Variants in PPARGC1A observed in about 807,000 individuals in gnomAD.
The protein encoded by PPARGC1A is PPARG coactivator 1 alpha, also known as peroxisome proliferator-activated receptor gamma coactivator 1-alpha.
A neutral mutation model predicts 88.7 loss-of-function variants in PPARGC1A; 25 were observed. That is an observed-to-expected ratio of 0.28 (90% CI 0.21 to 0.39). The LOEUF is 0.39. PPARGC1A is among the 10% of genes least tolerant of loss of function. The probability of loss-of-function intolerance (pLI) is 1.00; values close to 1 mark genes in which losing one functional copy is unlikely to be tolerated. For synonymous variants in PPARGC1A, 363 were observed against 355.6 expected, an observed-to-expected ratio of 1.02 and a Z score of -0.24; for missense variants, 880 against 968.7, an observed-to-expected ratio of 0.91 and a Z score of 1.22.
At chr4:24,223,515 G>C in the PPARGC1A span, among the ~76,000 whole-genome samples, 1 of 152,162 alleles carries the variant, frequency 6.6e-6, no homozygotes, top group Non-Finnish European at 1.5e-5. Flanking sequence ...CTCCCAAGGT[G>C]CTGAGATTAC....
the PPARGC1A span, among the ~76,000 whole-genome samples, chr4:24,152,796 T>A: frequency 6.6e-6 from 1 of 152,218 alleles, no homozygotes; most frequent in Non-Finnish European, 1.5e-5. Context: ...AAGTTAACTG[T>A]TGAAACTAAA....
At chr4:24,004,915 G>A in the PPARGC1A span, among the ~76,000 whole-genome samples, 75 of 152,296 alleles carry the variant, frequency 4.9e-4, 1 homozygote, top group African/African-American at 1.7e-3. Flanking sequence ...ACAGGGTCAT[G>A]TGTATAAGGC....
chr4:24,059,900 T>C, the PPARGC1A span, among the ~76,000 whole-genome samples: 1 of 152,178 alleles, frequency 6.6e-6, no homozygotes, highest in Non-Finnish European at 1.5e-5. Flanking sequence ...GCAATCCCAG[T>C]CCACCTGGCT....
chr4:24,072,785 G>C, the PPARGC1A span, among the ~76,000 whole-genome samples: 1 of 152,162 alleles, frequency 6.6e-6, no homozygotes, highest in African/African-American at 2.4e-5. Context: ...AGGCTTTGCA[G>C]TTGCAACCAG....
At chr4:23,896,932 C>T (rs1018515727) in intron 1 of PPARGC1A, among the ~76,000 whole-genome samples, 3 of 152,138 alleles carry the variant, frequency 2.0e-5, no homozygotes, top group Non-Finnish European at 2.9e-5. Flanking sequence ...CCAGTTTCAA[C>T]CCGGTGACAT....
At chr4:24,192,790 C>T in the PPARGC1A span, among the ~76,000 whole-genome samples, 2 of 152,248 alleles carry the variant, frequency 1.3e-5, no homozygotes, top group East Asian at 3.9e-4. Context: ...TATTTTTATA[C>T]ATACATAATG....
the PPARGC1A span, among the ~76,000 whole-genome samples, chr4:24,308,609 C>T: frequency 6.6e-6 from 1 of 152,130 alleles, no homozygotes; most frequent in Non-Finnish European, 1.5e-5. Flanking sequence ...TTCCAGGCTG[C>T]ATTCAGAGAG....
the PPARGC1A span, among the ~76,000 whole-genome samples, chr4:23,974,640 G>GTT: frequency 1.3e-4 from 19 of 146,988 alleles, no homozygotes; most frequent in Non-Finnish European, 2.0e-4. Flanking sequence ...GTTGTCGTTG[G>GTT]TTTTTTTTTT....
At chr4:24,181,019 A>G in the PPARGC1A span, among the ~76,000 whole-genome samples, 6 of 152,218 alleles carry the variant, frequency 3.9e-5, no homozygotes, top group African/African-American at 1.4e-4. Context: ...CAAGTCCACA[A>G]TAAACCAGCT....
upstream of PPARGC1A, among the ~76,000 whole-genome samples, chr4:23,891,959 T>G (rs576868031): frequency 1.0e-3 from 157 of 152,292 alleles, no homozygotes; most frequent in Non-Finnish European, 2.1e-3. Context: ...CCCTCAAGGA[T>G]CAACTGTGAA....
At chr4:24,240,157 G>A in the PPARGC1A span, among the ~76,000 whole-genome samples, 1 of 152,154 alleles carries the variant, frequency 6.6e-6, no homozygotes, top group Non-Finnish European at 1.5e-5. Flanking sequence ...TTCTGGAAAG[G>A]TATGTCTTAT....
At chr4:23,939,796 C>T in the PPARGC1A span, among the ~76,000 whole-genome samples, 1 of 152,106 alleles carries the variant, frequency 6.6e-6, no homozygotes, top group African/African-American at 2.4e-5. Context: ...TGATATTACC[C>T]TAGGTTTATC....
At chr4:23,941,914 A>G in the PPARGC1A span, among the ~76,000 whole-genome samples, 2 of 152,186 alleles carry the variant, frequency 1.3e-5, no homozygotes, top group African/African-American at 4.8e-5. Context: ...GAATGACTTT[A>G]TCTAGATTTG....
At chr4:24,463,778 G>A in the PPARGC1A span, among the ~76,000 whole-genome samples, 1 of 152,056 alleles carries the variant, frequency 6.6e-6, no homozygotes, top group Non-Finnish European at 1.5e-5. Context: ...GAGAGCAATG[G>A]GAGTGGGAAA....
the PPARGC1A span, among the ~76,000 whole-genome samples, chr4:24,379,820 C>T: frequency 1.4e-5 from 2 of 141,440 alleles, no homozygotes; most frequent in African/African-American, 5.6e-5. Context: ...GCTCTTTTTG[C>T]CCAGGCTGGA....
At chr4:24,449,093 G>T in the PPARGC1A span, among the ~76,000 whole-genome samples, 3 of 152,244 alleles carry the variant, frequency 2.0e-5, no homozygotes, top group Non-Finnish European at 4.4e-5. Flanking sequence ...TGGTCTGCAG[G>T]ACCCCACAAG....
At chr4:24,267,477 C>A in the PPARGC1A span, among the ~76,000 whole-genome samples, 1 of 152,178 alleles carries the variant, frequency 6.6e-6, no homozygotes, top group Admixed American at 6.5e-5. Context: ...TTTATATCAA[C>A]AAGCTTTGAA....
the PPARGC1A span, among the ~76,000 whole-genome samples, chr4:24,280,343 A>G: frequency 2.0e-5 from 3 of 152,156 alleles, no homozygotes; most frequent in Non-Finnish European, 4.4e-5. Flanking sequence ...TAAAGAAACC[A>G]ACTTCCCAGG....
At chr4:23,825,674 T>C (rs1723795193) in intron 5 of PPARGC1A, among the ~76,000 whole-genome samples, 1 of 152,142 alleles carries the variant, frequency 6.6e-6, no homozygotes, top group Admixed American at 6.6e-5. Context: ...ATTATTCATG[T>C]CCAAATTAAC....
Sources: allele counts gnomAD v4.1 joint callset (sites outside exome capture counted in the v4.1 genomes callset), GRCh38; gene constraint gnomAD v4.1.1; transcripts MANE v1.5; gene names NCBI Gene and HGNC (gene_info 2026-07-23, HGNC 2026-07-21).